Variants in TRHDE observed in about 807,000 individuals in gnomAD.
The protein encoded by TRHDE is thyrotropin releasing hormone degrading enzyme.
TRHDE carries 72 observed loss-of-function variants against 125.7 expected under a neutral mutation model. That is an observed-to-expected ratio of 0.57 (90% CI 0.47 to 0.70). The LOEUF is 0.70. Among genes scored for constraint, TRHDE ranks in the 30% least tolerant of loss-of-function variants. The pLI is 0.00. For synonymous variants in TRHDE, 509 were observed against 509.1 expected (o/e 1.00, Z 0.00); for missense variants, 1,110 against 1,327.1 (o/e 0.84, Z 2.54).
chr12:72,231,009 ATGT>A (rs1252729524), intron 2 of TRHDE, among the ~76,000 whole-genome samples: 3 of 152,190 alleles, frequency 2.0e-5, no homozygotes, highest in Non-Finnish European at 2.9e-5. Flanking sequence ...AACAAAAATG[ATGT>A]TGTCATTTTG....
intron 2 of TRHDE, among the ~76,000 whole-genome samples, chr12:72,107,534 G>T (rs1413029289): frequency 6.6e-6 from 1 of 152,116 alleles, no homozygotes; most frequent in Non-Finnish European, 1.5e-5. Flanking sequence ...GTAATTAGGT[G>T]AACTCTCTTT....
In TRHDE at chr12:72,120,891, A is replaced by G. The variant is rs545104952; in HGVS notation, n.279+15139A>G. On this transcript the variant is annotated intron_variant and non_coding_transcript_variant, in intron 2 of 4. Coordinates refer to the TRHDE transcript ENST00000548156. ...GACGGGGTTTCACCATTTTGGCCAA[A>G]ATGGTCTCGATCTCCTGATCTCGTG... Among the ~76,000 whole-genome samples the G allele has an allele frequency of 1.4e-3, 209 of 150,966 alleles. 1 individual carries two copies. The highest frequency in any genetic ancestry group is 4.6e-3 in the African/African-American group (191 of 41,134).
chr12:72,540,855 G>A (rs555617827), intron 6 of TRHDE, among the ~76,000 whole-genome samples: 1 of 151,560 alleles, frequency 6.6e-6, no homozygotes, highest in African/African-American at 2.4e-5. Flanking sequence ...ATCAGAAAAG[G>A]CATAAAACTA....
intron 12 of TRHDE, among the ~76,000 whole-genome samples, chr12:72,616,219 C>A (rs1481695866): frequency 1.3e-5 from 2 of 152,002 alleles, no homozygotes; most frequent in South Asian, 2.1e-4. Context: ...TCACACAATG[C>A]CAGAAGTCTT....
At chr12:72,564,728 C>G (rs902277843) in intron 9 of TRHDE, among the ~76,000 whole-genome samples, 1 of 123,020 alleles carries the variant, frequency 8.1e-6, no homozygotes, top group African/African-American at 2.9e-5. Context: ...AGTGCAGTGA[C>G]GCGATCTCGG....
At position 72,132,205 on chromosome 12, in the gene TRHDE, C is replaced by CCTG. The variant is rs533485237; in HGVS notation, n.279+26457_279+26459dup. Among the ~76,000 whole-genome samples, 12 of 152,204 alleles carry CCTG rather than the reference C, an allele frequency of 7.9e-5. No homozygotes were observed. In the South Asian group the frequency reaches 2.5e-3, roughly 32 times the overall value. ...TTAATCAAGTGGGGAATGTGGGAAG[C>CCTG]CTGCTGGTTTGCCTGCTGGAGACTG... is the stretch of plus-strand genomic sequence containing the variant. On this transcript the variant is annotated intron_variant and non_coding_transcript_variant, in intron 2 of 4. Transcript: ENST00000548156.
chr12:72,645,473 T>C (rs1326439052), intron 15 of TRHDE, among the ~76,000 whole-genome samples: 1 of 152,102 alleles, frequency 6.6e-6, no homozygotes, highest in Non-Finnish European at 1.5e-5. Context: ...AAGGGACTTT[T>C]GGGATACCAG....
At chr12:72,385,444 T>C (rs1872370072) in intron 3 of TRHDE, among the ~76,000 whole-genome samples, 1 of 152,122 alleles carries the variant, frequency 6.6e-6, no homozygotes, top group South Asian at 2.1e-4. Flanking sequence ...ATCAAATAAA[T>C]GTTGTCTTCC....
intron 3 of TRHDE, among the ~76,000 whole-genome samples, chr12:72,411,559 A>T (rs1873509592): frequency 6.6e-6 from 1 of 152,148 alleles, no homozygotes; most frequent in Admixed American, 6.5e-5. Context: ...GTTCTATCTC[A>T]GTTGAGACAG....
intron 2 of TRHDE, among the ~76,000 whole-genome samples, chr12:72,216,275 A>T (rs1877889393): frequency 6.6e-6 from 1 of 152,150 alleles, no homozygotes; most frequent in African/African-American, 2.4e-5. Context: ...TTACTAAAGC[A>T]TGCCAGCTCC....
chr12:72,477,522 C>T (rs1225958144), intron 5 of TRHDE, among the ~76,000 whole-genome samples: 1 of 152,142 alleles, frequency 6.6e-6, no homozygotes, highest in Non-Finnish European at 1.5e-5. Flanking sequence ...CATGAATAGT[C>T]TTTTTGCTTG....
At chr12:72,561,794 T>C (rs1223353472) in intron 7 of TRHDE, among the ~76,000 whole-genome samples, 1 of 152,152 alleles carries the variant, frequency 6.6e-6, no homozygotes, top group East Asian at 1.9e-4. Flanking sequence ...AAATATTTCT[T>C]TTTCAACACT....
chr12:72,207,342 G>T (rs917875728), intron 2 of TRHDE, among the ~76,000 whole-genome samples: 1 of 152,116 alleles, frequency 6.6e-6, no homozygotes, highest in African/African-American at 2.4e-5. Context: ...AACAAAGAAA[G>T]CACAAGCTCA....
At chr12:72,490,526 T>A (rs986716810) in intron 5 of TRHDE, among the ~76,000 whole-genome samples, 15 of 151,816 alleles carry the variant, frequency 9.9e-5, no homozygotes, top group Non-Finnish European at 1.5e-4. Context: ...ACTTCAGTGT[T>A]CACTGAAGCA....
At chr12:72,616,457 C>G (rs74105934) in intron 12 of TRHDE, among the ~76,000 whole-genome samples, 1 of 151,938 alleles carries the variant, frequency 6.6e-6, no homozygotes, top group African/African-American at 2.4e-5. Context: ...TTTATAGACA[C>G]AGAATGTGAG....
intron 3 of TRHDE, among the ~76,000 whole-genome samples, chr12:72,452,500 C>T (rs538407986): frequency 1.4e-3 from 220 of 152,132 alleles, no homozygotes; most frequent in Non-Finnish European, 2.0e-3. Context: ...CAAGTGTGGG[C>T]ATCCTTGTCT....
intron 2 of TRHDE, among the ~76,000 whole-genome samples, chr12:72,158,904 A>G (rs764337827): frequency 6.6e-6 from 1 of 152,150 alleles, no homozygotes; most frequent in Non-Finnish European, 1.5e-5. Context: ...TTCACACAAG[A>G]GATTGAGATT....
chr12:72,433,302 A>C lies in TRHDE; in HGVS notation c.1316-36456A>C, dbSNP rs546915088. ...TCTGCTTGTGGTCCCAGAGTAATAC[A>C]GCCTTCATAGAATGACTTGGGAATT... On this transcript the variant is annotated intron_variant, in intron 3 of 18. Transcript: ENST00000261180. Among the ~76,000 whole-genome samples the C allele has an allele frequency of 1.2e-4, 19 of 152,278 alleles. No individual in the cohort carries two copies. In the East Asian group the frequency reaches 1.9e-3, roughly 15 times the overall value.
At chr12:72,637,694 G>A (rs1205561531) in intron 15 of TRHDE, among the ~76,000 whole-genome samples, 2 of 152,094 alleles carry the variant, frequency 1.3e-5, no homozygotes, top group Admixed American at 6.5e-5. Context: ...AGAGATTCTG[G>A]TATGTTGTGT....
Sources: allele counts gnomAD v4.1 joint callset (sites outside exome capture counted in the v4.1 genomes callset), GRCh38; gene constraint gnomAD v4.1.1; transcripts MANE v1.5; gene names NCBI Gene and HGNC (gene_info 2026-07-23, HGNC 2026-07-21).